Variants in KLF12 observed in about 807,000 individuals in gnomAD.
KLF12 encodes Krueppel-like factor 12.
In KLF12, 9 loss-of-function variants were observed where a neutral mutation model predicts 37.8. That is an observed-to-expected ratio of 0.24 (90% CI 0.14 to 0.42). KLF12 has a LOEUF of 0.42. Among genes scored for constraint, KLF12 ranks in the 10% least tolerant of loss-of-function variants. The pLI is 1.00. For missense variants in KLF12, 411 were observed against 516.0 expected (o/e 0.80, Z 1.97); for synonymous variants, 208 against 202.1 (o/e 1.03, Z -0.25).
At chr13:73,804,134 A>G (rs902861061) in intron 5 of KLF12, among the ~76,000 whole-genome samples, 4 of 151,952 alleles carry the variant, frequency 2.6e-5, no homozygotes, top group Non-Finnish European at 5.9e-5. Context: ...AGTCATTATG[A>G]CCTTATACAC....
intron 5 of KLF12, among the ~76,000 whole-genome samples, chr13:73,771,841 T>C (rs1190936751): frequency 6.6e-6 from 1 of 152,182 alleles, no homozygotes; most frequent in African/African-American, 2.4e-5. Context: ...GGAAGAGACT[T>C]TTAGGCTAGG....
intron 3 of KLF12, among the ~76,000 whole-genome samples, chr13:73,881,267 A>G (rs1886967306): frequency 6.6e-6 from 1 of 152,146 alleles, no homozygotes; most frequent in Admixed American, 6.5e-5. Flanking sequence ...TTTTTCTGTA[A>G]AAGATAAAAA....
chr13:73,899,592 C>A (rs960043392), intron 3 of KLF12, among the ~76,000 whole-genome samples: 4 of 152,106 alleles, frequency 2.6e-5, no homozygotes, highest in South Asian at 2.1e-4. Flanking sequence ...GAAAGACTGA[C>A]ATTTGAATCA....
At chr13:74,120,714 T>C (rs1020872080) in intron 1 of KLF12, among the ~76,000 whole-genome samples, 10 of 152,024 alleles carry the variant, frequency 6.6e-5, no homozygotes, top group Admixed American at 3.9e-4. Flanking sequence ...ATAACATGTA[T>C]AAGTAAAATA....
intron 3 of KLF12, among the ~76,000 whole-genome samples, chr13:73,893,530 C>T (rs577736486): frequency 2.0e-4 from 30 of 151,834 alleles, no homozygotes; most frequent in African/African-American, 5.3e-4. Flanking sequence ...TATAGGAGCG[C>T]GCTGCTATAC....
chr13:73,896,527 T>G (rs140815614), intron 3 of KLF12, among the ~76,000 whole-genome samples: 1,584 of 152,322 alleles, frequency 0.01, 34 homozygotes, highest in African/African-American at 0.036. Context: ...AAATGTGGTA[T>G]ATTCAGCTTT....
chr13:74,251,714 G>A, the KLF12 span, among the ~76,000 whole-genome samples: 7 of 152,138 alleles, frequency 4.6e-5, no homozygotes, highest in Non-Finnish European at 1.0e-4. Flanking sequence ...CCCTACCATG[G>A]AGAAGTTGCT....
chr13:73,935,781 C>T (rs1399607140), intron 3 of KLF12, among the ~76,000 whole-genome samples: 2 of 152,106 alleles, frequency 1.3e-5, no homozygotes, highest in Non-Finnish European at 2.9e-5. Flanking sequence ...GCATGTGTCA[C>T]CATGCCTGGC....
intron 6 of KLF12, among the ~76,000 whole-genome samples, chr13:73,741,890 C>T (rs976302085): frequency 6.6e-6 from 1 of 152,212 alleles, no homozygotes; most frequent in African/African-American, 2.4e-5. Context: ...GAGTGTAGCA[C>T]TAAGCTCGGG....
intron 3 of KLF12, among the ~76,000 whole-genome samples, chr13:73,878,272 A>C (rs1284653337): frequency 6.6e-6 from 1 of 152,198 alleles, no homozygotes; most frequent in Non-Finnish European, 1.5e-5. Flanking sequence ...CTCTATGGAT[A>C]ATCACATAAA....
At chr13:73,939,178 C>T (rs983729051) in intron 3 of KLF12, among the ~76,000 whole-genome samples, 19 of 152,126 alleles carry the variant, frequency 1.2e-4, no homozygotes, top group African/African-American at 4.3e-4. Flanking sequence ...GCTCCTTCCC[C>T]GCGGCAGATT....
chr13:73,839,438 G>A (rs1244599042), intron 4 of KLF12, among the ~76,000 whole-genome samples: 1 of 151,904 alleles, frequency 6.6e-6, no homozygotes, highest in Non-Finnish European at 1.5e-5. Context: ...TTTCTAAAAT[G>A]TAATACCTAT....
At chr13:74,045,717 G>A (rs761119537) in intron 1 of KLF12, among the ~76,000 whole-genome samples, 2 of 152,004 alleles carry the variant, frequency 1.3e-5, no homozygotes, top group African/African-American at 4.8e-5. Context: ...GTTTCTCCAG[G>A]TAGTCCAGCG....
intron 6 of KLF12, among the ~76,000 whole-genome samples, chr13:73,756,249 A>G (rs556468626): frequency 2.6e-5 from 4 of 152,332 alleles, no homozygotes; most frequent in African/African-American, 9.6e-5. Context: ...TGTAGATCAA[A>G]GCTTTATGCA....
At position 74,026,788 on chromosome 13, in the gene KLF12, C is replaced by T. The variant is rs117004120; in HGVS notation, c.-31-31735G>A. Among the ~76,000 whole-genome samples the T allele has an allele frequency of 9.9e-3, 1,498 of 152,056 alleles. 20 individuals are homozygous for T. The highest frequency in any genetic ancestry group is 0.056 in the East Asian group (290 of 5,178). On this transcript the variant is annotated intron_variant, in intron 1 of 7. Coordinates refer to ENST00000377669, the MANE Select transcript of KLF12 (RefSeq NM_007249.5). Reference sequence around the variant, plus strand: ...TACATCAATCTTTAAATTTTTTGACCACTCTACCTCAGTCCCACAGGAGAC... The same window carrying T: ...TACATCAATCTTTAAATTTTTTGACTACTCTACCTCAGTCCCACAGGAGAC...
At chr13:74,142,862 G>A in the KLF12 span, among the ~76,000 whole-genome samples, 1 of 152,156 alleles carries the variant, frequency 6.6e-6, no homozygotes, top group Non-Finnish European at 1.5e-5. Context: ...TATTTAGCTA[G>A]ATTTGGTATG....
the KLF12 span, among the ~76,000 whole-genome samples, chr13:74,218,952 A>G: frequency 8.6e-6 from 1 of 115,664 alleles, no homozygotes; most frequent in East Asian, 2.5e-4. Context: ...GTAAACTTAT[A>G]AAAATAAGAG....
At chr13:74,267,885 G>A in the KLF12 span, among the ~76,000 whole-genome samples, 1 of 152,120 alleles carries the variant, frequency 6.6e-6, no homozygotes, top group Non-Finnish European at 1.5e-5. Context: ...TAAAAAAGAG[G>A]CAGTGGAGGA....
At chr13:73,774,348 C>T (rs1354797742) in intron 5 of KLF12, among the ~76,000 whole-genome samples, 1 of 150,380 alleles carries the variant, frequency 6.6e-6, no homozygotes, top group Non-Finnish European at 1.5e-5. Context: ...AGATACAGTA[C>T]AAAATGTAAG....
Sources: gnomAD v4.1 joint callset for allele counts (sites outside exome capture counted in the v4.1 genomes callset) on GRCh38, gnomAD v4.1.1 for gene constraint, MANE v1.5 for transcripts, NCBI Gene and HGNC (gene_info 2026-07-23, HGNC 2026-07-21) for gene names.